PLSCR4: variants seen among roughly 807,000 people sequenced by gnomAD.
PLSCR4 encodes Ca(2+)-dependent phospholipid scramblase 4.
In PLSCR4, 25 loss-of-function variants were observed where a neutral mutation model predicts 36.3. The observed-to-expected ratio is 0.69, with a 90% CI of 0.50 to 0.96. The LOEUF (loss-of-function observed/expected upper bound fraction) is 0.96. Ranked by LOEUF, PLSCR4 falls within the 40% of genes least tolerant of loss-of-function variation. The probability of loss-of-function intolerance (pLI) is 0.00; values close to 1 mark genes in which losing one functional copy is unlikely to be tolerated. For synonymous variants in PLSCR4, 122 were observed against 132.9 expected (o/e 0.92, Z 0.56); for missense variants, 408 against 414.7 (o/e 0.98, Z 0.14).
chr3:146,200,723 T>C (rs2034001459), intron 5 of PLSCR4, among the ~76,000 whole-genome samples: 1 of 152,080 alleles, frequency 6.6e-6, no homozygotes, highest in South Asian at 2.1e-4. Context: ...TCATTTAGTC[T>C]CTTGGCTCCT....
At chr3:146,221,055 T>G in intron 2 of PLSCR4, 130 bp from the exon 3 acceptor site, 1 of 554,208 alleles carries the variant, frequency 1.8e-6, no homozygotes, top group Non-Finnish European at 3.2e-6. Context: ...CCTATATTTT[T>G]TAAAGAAAGA....
intron 1 of PLSCR4, among the ~76,000 whole-genome samples, chr3:146,232,760 T>C (rs1259158798): frequency 6.6e-6 from 1 of 152,152 alleles, no homozygotes; most frequent in African/African-American, 2.4e-5. Context: ...TGGCAGTTTC[T>C]AGGTACAGAA....
chr3:146,212,401 G>C (rs917187827), intron 3 of PLSCR4, among the ~76,000 whole-genome samples: 9 of 145,494 alleles, frequency 6.2e-5, no homozygotes, highest in Non-Finnish European at 1.5e-5. Flanking sequence ...CTTGTTTATT[G>C]TGCTGTTTGT....
At chr3:146,211,403 G>A (rs899067398) in intron 3 of PLSCR4, among the ~76,000 whole-genome samples, 5 of 151,990 alleles carry the variant, frequency 3.3e-5, no homozygotes, top group Non-Finnish European at 7.4e-5. Flanking sequence ...TGAATCATTT[G>A]TCTTTTTATT....
intron 1 of PLSCR4, among the ~76,000 whole-genome samples, chr3:146,227,370 G>C (rs2035522162): frequency 6.6e-6 from 1 of 152,102 alleles, no homozygotes; most frequent in Admixed American, 6.5e-5. Flanking sequence ...CTGAGATTGA[G>C]GTTTGCTGCC....
At chr3:146,244,136 G>A (rs536465722) in intron 1 of PLSCR4, among the ~76,000 whole-genome samples, 8 of 152,152 alleles carry the variant, frequency 5.3e-5, no homozygotes, top group East Asian at 1.9e-4. Flanking sequence ...TGATGGTGAC[G>A]TCAAATAACC....
At chr3:146,211,819 C>G (rs754045050) in intron 3 of PLSCR4, among the ~76,000 whole-genome samples, 1 of 151,998 alleles carries the variant, frequency 6.6e-6, no homozygotes, top group Non-Finnish European at 1.5e-5. Flanking sequence ...TATTCTTTCC[C>G]TATTGAATTA....
chr3:146,233,667 T>C (rs76761605), intron 1 of PLSCR4, among the ~76,000 whole-genome samples: 2,554 of 152,236 alleles, frequency 0.017, 77 homozygotes, highest in African/African-American at 0.058. Context: ...GTGAATATTA[T>C]GGTTTCATTA....
intron 3 of PLSCR4, among the ~76,000 whole-genome samples, chr3:146,212,034 A>G (rs1285979642): frequency 1.3e-5 from 2 of 152,020 alleles, no homozygotes; most frequent in Non-Finnish European, 2.9e-5. Flanking sequence ...TGAATCCTTT[A>G]CATTTCCATA....
intron 3 of PLSCR4, among the ~76,000 whole-genome samples, chr3:146,219,738 A>G (rs1160906144): frequency 1.3e-5 from 2 of 152,058 alleles, no homozygotes; most frequent in African/African-American, 4.8e-5. Flanking sequence ...CCAACATGGA[A>G]AAACCTTGTC....
Position 146,194,156 on chromosome 3 carries a change from T to C in PLSCR4, c.*255A>G. Reference sequence around the variant, plus strand: ...ATGTTTATAGTGTTTTAAGCTTACTTTGTATATGTTTACTGGGTTAATGAG... The same window carrying C: ...ATGTTTATAGTGTTTTAAGCTTACTCTGTATATGTTTACTGGGTTAATGAG... On this transcript the variant is annotated 3_prime_UTR_variant, in exon 9 of 9. Transcript: ENST00000354952. The C allele has an allele frequency of 2.4e-6, 1 of 412,466 alleles. No homozygotes were observed. The highest frequency in any genetic ancestry group is 4.3e-6 in the Non-Finnish European group (1 of 232,366). 25.6% of individuals were successfully genotyped at this position (412,466 alleles called of 1,614,324 possible).
chr3:146,238,644 T>C (rs1391639089), intron 1 of PLSCR4, among the ~76,000 whole-genome samples: 1 of 152,114 alleles, frequency 6.6e-6, no homozygotes, highest in African/African-American at 2.4e-5. Flanking sequence ...TAGAACTTTC[T>C]TGATCTCGTA....
intron 6 of PLSCR4, among the ~76,000 whole-genome samples, chr3:146,197,403 T>C (rs1049473812): frequency 6.6e-6 from 1 of 152,112 alleles, no homozygotes; most frequent in South Asian, 2.1e-4. Flanking sequence ...CGGTCCTCTG[T>C]CTCCTTCCTA....
intron 4 of PLSCR4, among the ~76,000 whole-genome samples, chr3:146,203,187 T>C (rs900807654): frequency 6.6e-6 from 1 of 152,038 alleles, no homozygotes; most frequent in African/African-American, 2.4e-5. Context: ...CTATGGCAAC[T>C]ATAGCCTAAC....
intron 1 of PLSCR4, among the ~76,000 whole-genome samples, chr3:146,225,379 C>G (rs1019169522): frequency 2.6e-5 from 4 of 152,254 alleles, no homozygotes; most frequent in African/African-American, 9.6e-5. Flanking sequence ...CCTAGTGGAT[C>G]CCGCAGCAGG....
intron 4 of PLSCR4, 100 bp downstream of exon 4, chr3:146,206,426 A>G (rs112770307): frequency 2.6e-6 from 2 of 783,258 alleles, no homozygotes; most frequent in East Asian, 4.9e-5. Flanking sequence ...GTCATCACTG[A>G]CCCATCTCCT....
At position 146,236,349 on chromosome 3, in the gene PLSCR4, T is replaced by C. The variant is rs999594771; in HGVS notation, c.-21-14257A>G. ...AAATTCAAACATATCAATATTTACA[T>C]TTAAAATCATGTACTAAGCGTATAA... On this transcript the variant is annotated intron_variant, in intron 1 of 8. Transcript: ENST00000354952. Among the ~76,000 whole-genome samples, 6 of 152,164 alleles carry C rather than the reference T, an allele frequency of 3.9e-5. No homozygotes were observed. The South Asian group carries it at 6.2e-4, about 16-fold the overall frequency.
intron 4 of PLSCR4, among the ~76,000 whole-genome samples, chr3:146,201,366 A>T (rs1232216044): frequency 6.6e-6 from 1 of 152,114 alleles, no homozygotes; most frequent in Non-Finnish European, 1.5e-5. Context: ...TGTAGTAATC[A>T]CATCAGAAGA....
At chr3:146,214,126 T>TAATGGAGGTGTTTATAGCTATAAA (rs1396149660) in intron 3 of PLSCR4, among the ~76,000 whole-genome samples, 33 of 43,118 alleles carry the variant, frequency 7.7e-4, no homozygotes, top group South Asian at 1.2e-3. Flanking sequence ...CCTTTTTTTT[T>TAATGGAGGTGTTTATAGCTATAAA]TTTTTTTTTT....
Sources: gnomAD v4.1 joint callset for allele counts (sites outside exome capture counted in the v4.1 genomes callset) on GRCh38, gnomAD v4.1.1 for gene constraint, MANE v1.5 for transcripts, NCBI Gene and HGNC (gene_info 2026-07-23, HGNC 2026-07-21) for gene names.